The following ZNF44 variants were observed in gnomAD, a reference collection of about 807,000 sequenced individuals.
The protein encoded by ZNF44 is zinc finger protein 44.
A neutral mutation model predicts 11.7 loss-of-function variants in ZNF44; 9 were observed. That is an observed-to-expected ratio of 0.77 (90% confidence interval 0.46 to 1.35). ZNF44 has a LOEUF of 1.35. Among genes scored for constraint, ZNF44 ranks in the 40% most tolerant of loss-of-function variants. The pLI is 0.00. For synonymous variants in ZNF44, 224 were observed against 242.7 expected (o/e 0.92, Z 0.72); for missense variants, 696 against 743.1 (o/e 0.94, Z 0.74).
chr19:12,282,475 G>A (rs1373070347), intron 1 of ZNF44, among the ~76,000 whole-genome samples: 3 of 147,416 alleles, frequency 2.0e-5, no homozygotes, highest in Non-Finnish European at 4.5e-5. Context: ...AGGCTGGAGT[G>A]CAATAGCACG....
chr19:12,276,449 T>G (rs186511040), intron 1 of ZNF44, among the ~76,000 whole-genome samples: 1 of 152,344 alleles, frequency 6.6e-6, no homozygotes, highest in African/African-American at 2.4e-5. Context: ...AGACGGCATA[T>G]CCTTACAACT....
chr19:12,230,171 G>A (rs931648839), intron 3 of ZNF44, among the ~76,000 whole-genome samples: 19 of 152,180 alleles, frequency 1.2e-4, no homozygotes, highest in East Asian at 3.9e-4. Flanking sequence ...CAAGTTTGGC[G>A]AGGTTGTGAA....
intron 1 of ZNF44, among the ~76,000 whole-genome samples, chr19:12,282,767 G>A (rs542156087): frequency 1.3e-5 from 2 of 152,202 alleles, no homozygotes; most frequent in South Asian, 2.1e-4. Context: ...TGTGAGTAAA[G>A]GATCTTATCA....
downstream of ZNF44, among the ~76,000 whole-genome samples, chr19:12,243,512 G>A (rs143890443): frequency 8.0e-3 from 1,221 of 152,042 alleles, 19 homozygotes; most frequent in African/African-American, 0.028. Context: ...TCCTTTTTAC[G>A]GCTGAGTAAT....
rs543364894 is a variant in ZNF44 at position 12,283,556 on chromosome 19, T to A, written c.4-7474A>T. On this transcript the variant is annotated intron_variant, in intron 1 of 3. Coordinates refer to ENST00000355684, the MANE Select transcript of ZNF44 (RefSeq NM_016264.4). Reference sequence around the variant, plus strand: ...GTATTAGCCAGGATGGTCATGATCTTCTGACCTCATGATCCGCCCTCCTCG... The same window carrying A: ...GTATTAGCCAGGATGGTCATGATCTACTGACCTCATGATCCGCCCTCCTCG... Among the ~76,000 whole-genome samples the A allele has an allele frequency of 1.4e-3, 209 of 152,194 alleles. 1 individual carries two copies. Among genetic ancestry groups the A allele is most frequent in the African/African-American group, 4.8e-3 (200 of 41,534 alleles).
intron 7 of ZNF44, among the ~76,000 whole-genome samples, chr19:12,249,367 G>C (rs539692680): frequency 2.7e-5 from 4 of 150,664 alleles, no homozygotes; most frequent in Non-Finnish European, 5.9e-5. Context: ...TTAGCCGGGC[G>C]TGGTGGTGGG....
intron 1 of ZNF44, among the ~76,000 whole-genome samples, chr19:12,277,412 T>G (rs1967273261): frequency 6.6e-6 from 1 of 152,230 alleles, no homozygotes. Flanking sequence ...GTGTCAGCTT[T>G]CATGAATATC....
chr19:12,244,352 C>G (rs978789877), downstream of ZNF44, among the ~76,000 whole-genome samples: 1 of 152,168 alleles, frequency 6.6e-6, no homozygotes, highest in Admixed American at 6.5e-5. Flanking sequence ...GAAACATATA[C>G]AACTTGTTGG....
chr19:12,227,489 C>G (rs1196334593), intron 3 of ZNF44, among the ~76,000 whole-genome samples: 1 of 152,124 alleles, frequency 6.6e-6, no homozygotes, highest in African/African-American at 2.4e-5. Flanking sequence ...GTATGTAATC[C>G]CAGCTACTCT....
At chr19:12,261,778 C>T (rs1917519798) in intron 5 of ZNF44, among the ~76,000 whole-genome samples, 1 of 152,168 alleles carries the variant, frequency 6.6e-6, no homozygotes, top group South Asian at 2.1e-4. Context: ...CTGGGGGTGG[C>T]TGGAGCAAGA....
At chr19:12,252,076 A>C (rs1490704873) in intron 5 of ZNF44, among the ~76,000 whole-genome samples, 2 of 151,960 alleles carry the variant, frequency 1.3e-5, no homozygotes, top group African/African-American at 4.8e-5. Flanking sequence ...ACAGATTTGC[A>C]ATTTACAATA....
chr19:12,258,761 C>T (rs1185086776), intron 5 of ZNF44, among the ~76,000 whole-genome samples: 5 of 151,796 alleles, frequency 3.3e-5, no homozygotes, highest in African/African-American at 1.2e-4. Flanking sequence ...ACCTGAGAGG[C>T]GGAGGCTGCA....
chr19:12,284,438 G>A, intron 1 of ZNF44: 1 of 636,352 alleles, frequency 1.6e-6, no homozygotes, highest in Non-Finnish European at 2.9e-6. Context: ...GTGGCATCCG[G>A]GGCCGGGGCC....
intron 7 of ZNF44, chr19:12,249,831 C>T (rs942709645): frequency 3.9e-6 from 2 of 514,380 alleles, no homozygotes; most frequent in Admixed American, 4.2e-5. Context: ...GGATTACAGG[C>T]ATGAGCCACT....
chr19:12,285,996 G>A (rs1967726234), intron 1 of ZNF44, among the ~76,000 whole-genome samples: 1 of 151,936 alleles, frequency 6.6e-6, no homozygotes, highest in Admixed American at 6.6e-5. Flanking sequence ...TCTAGCCTGG[G>A]TGACAGAGCG....
chr19:12,257,548 G>A (rs974569611), intron 5 of ZNF44, among the ~76,000 whole-genome samples: 21 of 152,048 alleles, frequency 1.4e-4, no homozygotes, highest in Non-Finnish European at 2.4e-4. Context: ...AGCATTTTGG[G>A]AGGCCGGGGC....
chr19:12,294,527 C>T (rs1968161919), intron 1 of ZNF44, among the ~76,000 whole-genome samples, 165 bp downstream of exon 1: 1 of 152,200 alleles, frequency 6.6e-6, no homozygotes, highest in Non-Finnish European at 1.5e-5. Flanking sequence ...GCCGGCCCAG[C>T]CCCACCCTGC....
rs374495462 is a variant in ZNF44, at chr19:12,272,395, C to T, written c.*12G>A. ...GATAAAACCAATGAATGCTTTCCCA[C>T]ATTCCATACACTTATAGAATATCCT... On this transcript the variant is annotated 3_prime_UTR_variant, in exon 4 of 4. Coordinates refer to ENST00000355684, the MANE Select transcript of ZNF44 (RefSeq NM_016264.4). 2.3e-4 allele frequency: 345 copies of T among 1,511,062 alleles called. No homozygotes were observed. The highest frequency in any genetic ancestry group is 2.8e-4 in the Non-Finnish European group (316 of 1,132,652). The allele number at this position is 1,511,062 out of a possible 1,614,324, so 93.6% of individuals were successfully genotyped here.
intron 1 of ZNF44, among the ~76,000 whole-genome samples, chr19:12,286,698 C>T (rs1967767188): frequency 6.6e-6 from 1 of 151,178 alleles, no homozygotes; most frequent in Admixed American, 6.6e-5. Flanking sequence ...CATCTGTAAT[C>T]CCAGCACTTT....
Sources: gnomAD v4.1 joint callset for allele counts (sites outside exome capture counted in the v4.1 genomes callset) on GRCh38, gnomAD v4.1.1 for gene constraint, MANE v1.5 for transcripts, NCBI Gene and HGNC (gene_info 2026-07-23, HGNC 2026-07-21) for gene names.